The following EPS15L1 variants were observed in gnomAD, a reference collection of about 807,000 sequenced individuals.
EPS15L1 encodes the protein epidermal growth factor receptor substrate 15-like 1.
A neutral mutation model predicts 117.1 loss-of-function variants in EPS15L1; 43 were observed. The observed-to-expected ratio is 0.37, with a 90% confidence interval of 0.29 to 0.47. The LOEUF is 0.47. Ranked by LOEUF, EPS15L1 falls within the 20% of genes least tolerant of loss-of-function variation. The pLI is 0.99. For missense variants in EPS15L1, 981 were observed against 1,164.0 expected (o/e 0.84, Z 2.29); for synonymous variants, 459 against 470.5 (o/e 0.98, Z 0.32).
intron 3 of EPS15L1, chr19:16,441,244 G>C: frequency 2.9e-6 from 1 of 344,156 alleles, no homozygotes; most frequent in Non-Finnish European, 5.7e-6. Flanking sequence ...GCCAAGGTGG[G>C]CGATTCACCT....
At chr19:16,380,687 G>A (rs1006576497) in intron 21 of EPS15L1, among the ~76,000 whole-genome samples, 3 of 152,350 alleles carry the variant, frequency 2.0e-5, no homozygotes, top group African/African-American at 7.2e-5. Flanking sequence ...CAGTCACACC[G>A]ATGCGGTCGT....
intron 22 of EPS15L1, among the ~76,000 whole-genome samples, chr19:16,364,158 G>A (rs530763866): frequency 1.6e-4 from 25 of 152,302 alleles, no homozygotes; most frequent in Admixed American, 1.3e-3. Context: ...AGGGGAGGTC[G>A]AGGCCTGGTA....
chr19:16,393,562 T>C (rs1568412892), intron 18 of EPS15L1, among the ~76,000 whole-genome samples: 3 of 147,098 alleles, frequency 2.0e-5, no homozygotes, highest in South Asian at 2.2e-4. Flanking sequence ...GGCAGGAGAA[T>C]GGCGTGAACC....
Position 16,417,867 on chromosome 19 carries a change from CAT to C in EPS15L1, c.1107+79_1107+80del, listed in dbSNP as rs2092774208. On this transcript the variant is annotated intron_variant, in intron 11 of 23. Coordinates refer to ENST00000455140, the MANE Select transcript of EPS15L1 (RefSeq NM_001258374.3). ...CAGGCAGCACCCGCCACCGTGGGCTCATGTGTGCCACCAGTGCCACCTGGTGG... is the reference window on the plus strand; with the variant it reads ...CAGGCAGCACCCGCCACCGTGGGCTCGTGTGCCACCAGTGCCACCTGGTGG... 6 of 1,534,108 alleles carry C rather than the reference CAT, an allele frequency of 3.9e-6. No homozygotes were observed. The African/African-American group carries it at 4.1e-5, about 11-fold the overall frequency.
chr19:16,436,052 C>CA (rs1211448655), intron 6 of EPS15L1, among the ~76,000 whole-genome samples: 4 of 152,208 alleles, frequency 2.6e-5, no homozygotes, highest in African/African-American at 4.8e-5. Flanking sequence ...TTGCCACTGG[C>CA]AAAGTGCTTG....
rs955544788 is a variant in EPS15L1 at position 16,381,557 on chromosome 19, C to T, written c.2247+3572G>A. ...GAGGTGCCATGTGACAGGCATCAGTCCACTCACTGGCACTAGATAAAGTTG... is the reference window on the plus strand; with the variant it reads ...GAGGTGCCATGTGACAGGCATCAGTTCACTCACTGGCACTAGATAAAGTTG... On this transcript the variant is annotated intron_variant, in intron 21 of 23. Transcript: ENST00000455140. This position sits in a 1 kb window ranked among gnomAD's most constrained non-coding sequence, Gnocchi z 4.2. Among the ~76,000 whole-genome samples, 1 of 152,194 alleles carries T rather than the reference C, an allele frequency of 6.6e-6. No individual in the cohort carries two copies. Among genetic ancestry groups the T allele is most frequent in the Non-Finnish European group, 1.5e-5 (1 of 68,030 alleles).
Position 16,417,854 on chromosome 19 carries a change from G to A in EPS15L1, c.1107+94C>T, listed in dbSNP as rs1057351259. The A allele has an allele frequency of 2.7e-5, 40 of 1,499,712 alleles. 1 individual carries two copies. Among genetic ancestry groups the A allele is most frequent in the Middle Eastern group, 4.9e-4 (2 of 4,058 alleles). 92.9% of individuals were successfully genotyped at this position (1,499,712 alleles called of 1,614,324 possible). A position where few individuals can be genotyped will look rare whatever the true frequency, so the allele number is the denominator to read the frequency against. ...AAGGCAGGGACCACAGGCAGCACCC[G>A]CCACCGTGGGCTCATGTGTGCCACC... On this transcript the variant is annotated intron_variant, in intron 11 of 23. Transcript: ENST00000455140.
rs377737285 is a variant in EPS15L1, at chr19:16,425,257, C to T, written c.618G>A (p.Pro206=). Residue 206 remains proline (P), a synonymous_variant, in exon 9 of 24, where the codon CCG becomes CCA. Transcript: ENST00000455140. ...EKEPVPSALP[P]SLIPPSKRKK... is the part of the protein sequence containing the mutation. ...TTCTCTTGGAGGGTGGGATGAGGGA[C>T]GGGGGCAGGGCGGAGGGCACGGGCT... 1.5e-4 allele frequency: 81 copies of T among 537,060 alleles called. No individual in the cohort carries two copies. Among genetic ancestry groups the T allele is most frequent in the Non-Finnish European group, 2.4e-4 (71 of 297,352 alleles). 33.3% of individuals were successfully genotyped at this position (537,060 alleles called of 1,614,324 possible). A position where few individuals can be genotyped will look rare whatever the true frequency, so the allele number is the denominator to read the frequency against.
chr19:16,414,462 GCAAT>G (rs899993417), intron 12 of EPS15L1, among the ~76,000 whole-genome samples: 41 of 149,040 alleles, frequency 2.8e-4, no homozygotes, highest in African/African-American at 9.6e-4. Flanking sequence ...GTGCAGTGGC[GCAAT>G]CTCAGCTCAC....
chr19:16,435,656 C>T (rs770848529), intron 6 of EPS15L1, among the ~76,000 whole-genome samples: 2 of 151,934 alleles, frequency 1.3e-5, no homozygotes. Flanking sequence ...AGGTCTTTCT[C>T]GGGGGCCTGG....
chr19:16,376,222 G>A (rs1402563745), intron 22 of EPS15L1, among the ~76,000 whole-genome samples: 1 of 152,230 alleles, frequency 6.6e-6, no homozygotes, highest in East Asian at 1.9e-4. Context: ...AGTCTGCCTG[G>A]AGGTTAGAGA....
intron 10 of EPS15L1, 62 bp from the exon 11 acceptor site, chr19:16,418,166 TCA>T: frequency 6.5e-7 from 1 of 1,529,396 alleles, no homozygotes; most frequent in Non-Finnish European, 8.8e-7. Flanking sequence ...TGAACCCAAG[TCA>T]CCGATCCCTT....
chr19:16,424,619 TG>T (rs2092850601), intron 9 of EPS15L1, among the ~76,000 whole-genome samples: 1 of 151,862 alleles, frequency 6.6e-6, no homozygotes, highest in African/African-American at 2.4e-5. Flanking sequence ...AAGACCAGCC[TG>T]AGTAACATAG....
chr19:16,464,287 A>T (rs2093279720), intron 1 of EPS15L1, among the ~76,000 whole-genome samples: 1 of 152,218 alleles, frequency 6.6e-6, no homozygotes, highest in African/African-American at 2.4e-5. Context: ...AGCCCAAAGA[A>T]GCTTTAAGAG....
intron 1 of EPS15L1, among the ~76,000 whole-genome samples, chr19:16,457,990 C>T (rs2093213342): frequency 6.6e-6 from 1 of 152,114 alleles, no homozygotes; most frequent in Non-Finnish European, 1.5e-5. Context: ...AAGTGTACCC[C>T]GGGCCTTCCC....
chr19:16,401,117 G>A (rs1309075331), intron 16 of EPS15L1: 3 of 985,300 alleles, frequency 3.0e-6, no homozygotes, highest in South Asian at 4.7e-5. Flanking sequence ...AGCTGATGAT[G>A]ACGGGCCCGG....
intron 22 of EPS15L1, among the ~76,000 whole-genome samples, chr19:16,373,434 T>G (rs1242660537): frequency 1.3e-5 from 2 of 151,184 alleles, no homozygotes; most frequent in African/African-American, 2.4e-5. Flanking sequence ...TTGTTTGTTT[T>G]AAGAAAACAT....
rs571901375 is a variant in EPS15L1 at position 16,370,258 on chromosome 19, C to T, written c.2380+6864G>A. Among the ~76,000 whole-genome samples the T allele has an allele frequency of 1.1e-4, 16 of 152,228 alleles. No individual in the cohort carries two copies. The highest frequency in any genetic ancestry group is 3.6e-4 in the African/African-American group (15 of 41,538). On this transcript the variant is annotated intron_variant, in intron 22 of 23. Coordinates refer to ENST00000455140, the MANE Select transcript of EPS15L1 (RefSeq NM_001258374.3). This position sits in a 1 kb window ranked among gnomAD's most constrained non-coding sequence, Gnocchi z 5.2. ...AGTTAGCAGTGGCAGGCAAGGGGCG[C>T]GCTGACTCAGGGCTTTGAATAGGAG...
chr19:16,433,100 C>T (rs1266523180), intron 7 of EPS15L1, among the ~76,000 whole-genome samples: 1 of 151,860 alleles, frequency 6.6e-6, no homozygotes, highest in Non-Finnish European at 1.5e-5. Context: ...CATGAGCCGC[C>T]ACACCAGCCT....
Sources: gnomAD v4.1 joint callset for allele counts (sites outside exome capture counted in the v4.1 genomes callset) on GRCh38, gnomAD v4.1.1 for gene constraint, Gnocchi (gnomAD v3.1) non-coding constraint, MANE v1.5 for transcripts, NCBI Gene and HGNC (gene_info 2026-07-23, HGNC 2026-07-21) for gene names.